PKP4: variants seen among roughly 807,000 people sequenced by gnomAD.
The protein encoded by PKP4 is plakophilin-4.
In PKP4, 90 loss-of-function variants were observed where a neutral mutation model predicts 145.1. The ratio of observed to expected loss-of-function variants is 0.62; its 90% CI spans 0.52 to 0.74. The LOEUF (loss-of-function observed/expected upper bound fraction) is 0.74, where lower values mean the gene tolerates loss of function less well. Ranked by LOEUF, PKP4 falls within the 30% of genes least tolerant of loss-of-function variation. The pLI is 0.00. For missense variants in PKP4, 1,340 were observed against 1,482.7 expected (o/e 0.90, Z 1.58); for synonymous variants, 563 against 577.2 (o/e 0.98, Z 0.35).
At position 158,533,224 on chromosome 2, in the gene PKP4, C is replaced by T; in HGVS notation, c.40C>T (p.Gln14Ter). 1 of 1,613,686 alleles carries T rather than the reference C, an allele frequency of 6.2e-7. No individual in the cohort carries two copies. The highest frequency in any genetic ancestry group is 8.5e-7 in the Non-Finnish European group (1 of 1,179,950). The change falls in exon 2 of 22, where the codon CAA becomes TAA. Residue 14 changes from glutamine (Q) to a stop codon, truncating the protein, a stop_gained. Coordinates refer to ENST00000389759, the MANE Select transcript of PKP4 (RefSeq NM_003628.6). LOFTEE classifies it high-confidence loss of function. ...PEQASLVEEG[Q>*]PQTRQEAAST... ...GCAGGCCTCATTGGTGGAGGAGGGG[C>T]AACCACAGACCCGCCAGGAAGCTGC...
intron 1 of PKP4, among the ~76,000 whole-genome samples, chr2:158,501,603 C>T (rs944409449): frequency 6.9e-6 from 1 of 144,232 alleles, no homozygotes; most frequent in African/African-American, 2.5e-5. Context: ...GCTGTAGTGC[C>T]AGTGAACTGG....
At chr2:158,541,486 A>G (rs1033447312) in intron 2 of PKP4, among the ~76,000 whole-genome samples, 3 of 152,100 alleles carry the variant, frequency 2.0e-5, no homozygotes, top group Non-Finnish European at 4.4e-5. Context: ...TATGTACCCA[A>G]ACCTTAATAA....
chr2:158,492,496 C>G (rs752405320), intron 1 of PKP4, among the ~76,000 whole-genome samples: 9 of 152,084 alleles, frequency 5.9e-5, no homozygotes, highest in Admixed American at 1.3e-4. Context: ...CTGGCACCCC[C>G]TCTCCCCCAC....
intron 1 of PKP4, among the ~76,000 whole-genome samples, chr2:158,524,283 C>T (rs1247929142): frequency 8.6e-6 from 1 of 116,282 alleles, no homozygotes; most frequent in Non-Finnish European, 1.7e-5. Flanking sequence ...CAGCAGATCT[C>T]TCGGCAGAAA....
intron 1 of PKP4, among the ~76,000 whole-genome samples, chr2:158,516,800 T>TA (rs1231842965): frequency 6.6e-6 from 1 of 151,896 alleles, no homozygotes; most frequent in African/African-American, 2.4e-5. Flanking sequence ...GCTGGGGGAT[T>TA]ACAGGCACTT....
intron 20 of PKP4, 103 bp downstream of exon 20, chr2:158,676,970 C>A: frequency 7.5e-7 from 1 of 1,325,354 alleles, no homozygotes; most frequent in Non-Finnish European, 1.1e-6. Context: ...TTGAGACAGT[C>A]CCCCAGCAGC....
chr2:158,462,670 G>T (rs1010886699), intron 1 of PKP4, among the ~76,000 whole-genome samples: 15 of 152,286 alleles, frequency 9.8e-5, no homozygotes, highest in Non-Finnish European at 2.9e-5. Flanking sequence ...TTCATACTCA[G>T]TGAGGCTCAT....
chr2:158,649,757 A>G (rs1212589414), intron 11 of PKP4, among the ~76,000 whole-genome samples: 1 of 152,202 alleles, frequency 6.6e-6, no homozygotes, highest in African/African-American at 2.4e-5. Context: ...TCAGCAAAAG[A>G]GAGGCCCTGT....
intron 6 of PKP4, among the ~76,000 whole-genome samples, 199 bp downstream of exon 6, chr2:158,621,620 C>T (rs2052258547): frequency 6.6e-6 from 1 of 152,038 alleles, no homozygotes; most frequent in Admixed American, 6.5e-5. Context: ...GTGGCGGGCG[C>T]CTGTAATCTC....
At chr2:158,621,601 C>T (rs2052252660) in intron 6 of PKP4, among the ~76,000 whole-genome samples, 180 bp downstream of exon 6, 1 of 152,012 alleles carries the variant, frequency 6.6e-6, no homozygotes, top group Non-Finnish European at 1.5e-5. Flanking sequence ...CAAAAATTAG[C>T]CGGGCGTGGT....
intron 17 of PKP4, 95 bp downstream of exon 17, chr2:158,670,010 GATT>G: frequency 7.0e-6 from 7 of 1,007,028 alleles, no homozygotes; most frequent in Non-Finnish European, 9.9e-6. Flanking sequence ...TATTGGAAAG[GATT>G]TATTTTTGCA....
intron 1 of PKP4, among the ~76,000 whole-genome samples, chr2:158,523,650 G>C (rs1433832286): frequency 3.0e-5 from 4 of 134,288 alleles, no homozygotes; most frequent in African/African-American, 1.2e-4. Context: ...TTGACGAGCT[G>C]AGAGAAGAAG....
chr2:158,488,425 A>G (rs992390860), intron 1 of PKP4, among the ~76,000 whole-genome samples: 4 of 152,118 alleles, frequency 2.6e-5, no homozygotes, highest in Admixed American at 6.5e-5. Flanking sequence ...CTAAATTCCC[A>G]TATATACCAT....
At chr2:158,477,074 T>G (rs1692595728) in intron 1 of PKP4, among the ~76,000 whole-genome samples, 1 of 152,190 alleles carries the variant, frequency 6.6e-6, no homozygotes, top group Non-Finnish European at 1.5e-5. Context: ...TTTTTTTGCT[T>G]TTATAAATAA....
At chr2:158,623,515 C>A (rs1192187252) in intron 6 of PKP4, among the ~76,000 whole-genome samples, 1 of 152,094 alleles carries the variant, frequency 6.6e-6, no homozygotes, top group Non-Finnish European at 1.5e-5. Context: ...CAGCTGTCTA[C>A]TAATTTTTAA....
At chr2:158,672,343 G>T (rs1015052200) in intron 17 of PKP4, among the ~76,000 whole-genome samples, 1 of 152,210 alleles carries the variant, frequency 6.6e-6, no homozygotes, top group Admixed American at 6.5e-5. Context: ...CATGGGTCAG[G>T]TTTCTGCTCA....
intron 1 of PKP4, among the ~76,000 whole-genome samples, chr2:158,500,373 A>G (rs975884484): frequency 6.6e-6 from 1 of 152,240 alleles, no homozygotes; most frequent in African/African-American, 2.4e-5. Flanking sequence ...TGACTCACAA[A>G]TACATTTTTG....
At chr2:158,628,074 G>A (rs570293823) in intron 7 of PKP4, among the ~76,000 whole-genome samples, 10 of 151,824 alleles carry the variant, frequency 6.6e-5, no homozygotes, top group African/African-American at 1.4e-4. Flanking sequence ...TCCGCCTCCC[G>A]GGTTCAAGCG....
At chr2:158,460,872 T>C (rs950064452) in intron 1 of PKP4, among the ~76,000 whole-genome samples, 5 of 152,220 alleles carry the variant, frequency 3.3e-5, no homozygotes, top group South Asian at 2.1e-4. Flanking sequence ...AAGAAGAATC[T>C]GAAACATAAC....
Sources: allele counts gnomAD v4.1 joint callset (sites outside exome capture counted in the v4.1 genomes callset), GRCh38; gene constraint gnomAD v4.1.1; transcripts MANE v1.5; gene names NCBI Gene and HGNC (gene_info 2026-07-23, HGNC 2026-07-21).